The following SGCZ variants were observed in gnomAD, a reference collection of about 807,000 sequenced individuals.
SGCZ encodes the protein sarcoglycan zeta.
A neutral mutation model predicts 41.3 loss-of-function variants in SGCZ; 40 were observed. That is an observed-to-expected ratio of 0.97 (90% CI 0.75 to 1.26). The LOEUF is 1.26. SGCZ is among the 50% of genes most tolerant of loss of function. The pLI, the probability that SGCZ is intolerant of heterozygous loss-of-function variation, is 0.00. For missense variants in SGCZ, 552 were observed against 369.8 expected (o/e 1.49, Z -4.04); for synonymous variants, 206 against 137.5 (o/e 1.50, Z -3.49).
chr8:14,554,981 A>G (rs561656117), intron 1 of SGCZ, 55 bp from the exon 2 acceptor site: 1 of 1,470,178 alleles, frequency 6.8e-7, no homozygotes, highest in East Asian at 2.3e-5. Context: ...AAGCATTAAA[A>G]AAAATAAACC....
At chr8:14,634,508 A>C (rs561328609) in intron 1 of SGCZ, among the ~76,000 whole-genome samples, 1 of 152,032 alleles carries the variant, frequency 6.6e-6, no homozygotes, top group African/African-American at 2.4e-5. Context: ...TACTAAAATA[A>C]AAATCTTCTT....
intron 2 of SGCZ, among the ~76,000 whole-genome samples, chr8:14,519,377 T>C (rs1186765300): frequency 6.6e-6 from 1 of 152,078 alleles, no homozygotes. Flanking sequence ...TGAAGAAATA[T>C]GGAAAAGTTT....
intron 1 of SGCZ, among the ~76,000 whole-genome samples, chr8:15,110,376 A>C (rs1807001500): frequency 6.6e-6 from 1 of 152,226 alleles, no homozygotes; most frequent in Admixed American, 6.5e-5. Context: ...GTTCACAATG[A>C]TCATCTGGTC....
chr8:14,441,407 T>A (rs1233155906), intron 2 of SGCZ, among the ~76,000 whole-genome samples: 8 of 152,054 alleles, frequency 5.3e-5, no homozygotes, highest in Admixed American at 5.2e-4. Context: ...AAACCCCGTC[T>A]CTACTGAAAA....
At chr8:14,489,171 G>A (rs1266946670) in intron 2 of SGCZ, among the ~76,000 whole-genome samples, 4 of 151,722 alleles carry the variant, frequency 2.6e-5, no homozygotes, top group African/African-American at 4.8e-5. Context: ...CATTAACAGC[G>A]AATTAGTTTA....
chr8:14,350,183 T>C (rs1803037964), intron 2 of SGCZ, among the ~76,000 whole-genome samples: 1 of 151,652 alleles, frequency 6.6e-6, no homozygotes, highest in Non-Finnish European at 1.5e-5. Context: ...ACTGAAGATC[T>C]GGAGACATTA....
At chr8:14,698,213 C>A (rs1454749609) in intron 1 of SGCZ, among the ~76,000 whole-genome samples, 1 of 151,736 alleles carries the variant, frequency 6.6e-6, no homozygotes, top group Non-Finnish European at 1.5e-5. Flanking sequence ...ATCTAATAAC[C>A]TAATAAAATT....
At chr8:15,222,782 T>C (rs1801646650) in intron 1 of SGCZ, among the ~76,000 whole-genome samples, 1 of 152,074 alleles carries the variant, frequency 6.6e-6, no homozygotes, top group Non-Finnish European at 1.5e-5. Context: ...TGTGTGTGTG[T>C]GTATGCGTGC....
At chr8:14,860,748 A>G (rs200528479) in intron 1 of SGCZ, among the ~76,000 whole-genome samples, 15 of 143,082 alleles carry the variant, frequency 1.0e-4, no homozygotes, top group African/African-American at 2.8e-4. Flanking sequence ...GTAAGTAAGT[A>G]AGTGAGGGAG....
chr8:14,821,254 C>T (rs1802071888), intron 1 of SGCZ, among the ~76,000 whole-genome samples: 1 of 151,774 alleles, frequency 6.6e-6, no homozygotes, highest in African/African-American at 2.4e-5. Context: ...ACACTGTCTA[C>T]TAAAATTAAA....
intron 2 of SGCZ, among the ~76,000 whole-genome samples, chr8:14,474,483 C>T (rs565421551): frequency 1.3e-5 from 2 of 152,240 alleles, no homozygotes; most frequent in South Asian, 4.1e-4. Flanking sequence ...GTATCAGATG[C>T]ACATTTTGCA....
intron 1 of SGCZ, among the ~76,000 whole-genome samples, chr8:14,622,402 A>C (rs966898298): frequency 1.1e-4 from 16 of 152,262 alleles, no homozygotes; most frequent in Non-Finnish European, 1.5e-4. Context: ...GAGTTTGAAA[A>C]ATGTGAGGTC....
chr8:15,236,845 G>A (rs754911771), intron 1 of SGCZ, among the ~76,000 whole-genome samples: 2 of 151,980 alleles, frequency 1.3e-5, no homozygotes. Context: ...CCAGGCTGGT[G>A]GGAGACCGTG....
rs150954518 is a variant in SGCZ, at chr8:14,948,046, G to C, written c.39+289539C>G. ...TCTGAAACTTCTTCATTATGGAGAA[G>C]GACAGAAGAGAAGCTTCCACAGACC... On this transcript the variant is annotated intron_variant, in intron 1 of 7. Transcript: ENST00000382080. Among the ~76,000 whole-genome samples the C allele has an allele frequency of 5.9e-5, 9 of 152,270 alleles. No individual in the cohort carries two copies. The East Asian group carries it at 1.7e-3, about 29-fold the overall frequency.
chr8:15,224,713 G>C (rs777688712), intron 1 of SGCZ, among the ~76,000 whole-genome samples: 1 of 151,968 alleles, frequency 6.6e-6, no homozygotes, highest in African/African-American at 2.4e-5. Context: ...ATACAAAAAG[G>C]TTCAAAATAA....
chr8:14,666,099 C>G (rs1807901818), intron 1 of SGCZ, among the ~76,000 whole-genome samples: 1 of 152,074 alleles, frequency 6.6e-6, no homozygotes, highest in African/African-American at 2.4e-5. Flanking sequence ...TAAGTCTTTT[C>G]TCTGAATATC....
At chr8:14,773,346 T>C (rs1351231071) in intron 1 of SGCZ, among the ~76,000 whole-genome samples, 14 of 152,302 alleles carry the variant, frequency 9.2e-5, no homozygotes, top group East Asian at 1.9e-4. Flanking sequence ...AAATGTAATA[T>C]TGATTCATAT....
chr8:15,109,554 G>C (rs1034784086), intron 1 of SGCZ, among the ~76,000 whole-genome samples: 2 of 152,044 alleles, frequency 1.3e-5, no homozygotes, highest in African/African-American at 4.8e-5. Flanking sequence ...TAACATTACA[G>C]GATGTCTGTA....
chr8:14,245,467 C>T (rs1387371209), intron 3 of SGCZ, among the ~76,000 whole-genome samples: 3 of 152,078 alleles, frequency 2.0e-5, no homozygotes, highest in Non-Finnish European at 2.9e-5. Context: ...AAGACTTAAA[C>T]GTTAGATCTA....
Sources: gnomAD v4.1 joint callset for allele counts (sites outside exome capture counted in the v4.1 genomes callset) on GRCh38, gnomAD v4.1.1 for gene constraint, MANE v1.5 for transcripts, NCBI Gene and HGNC (gene_info 2026-07-23, HGNC 2026-07-21) for gene names.